The following LSAMP variants were observed in gnomAD, a reference collection of about 807,000 sequenced individuals.
LSAMP encodes limbic system-associated membrane protein.
Under a neutral mutation model 38.6 loss-of-function variants are expected in LSAMP, and 7 were observed. The observed-to-expected ratio is 0.18, with a 90% CI of 0.10 to 0.34. LSAMP has a LOEUF of 0.34. LSAMP is among the 10% of genes least tolerant of loss of function. The probability of loss-of-function intolerance (pLI) is 1.00; values close to 1 mark genes in which losing one functional copy is unlikely to be tolerated. For synonymous variants in LSAMP, 154 were observed against 166.8 expected, an observed-to-expected ratio of 0.92 and a Z score of 0.59; for missense variants, 313 against 420.0, an observed-to-expected ratio of 0.75 and a Z score of 2.23.
intron 1 of LSAMP, among the ~76,000 whole-genome samples, chr3:116,318,247 G>A (rs1208028180): frequency 1.3e-5 from 2 of 151,888 alleles, no homozygotes; most frequent in Admixed American, 6.6e-5. Flanking sequence ...CACATTAGTC[G>A]AAAGTTGGAG....
intron 1 of LSAMP, among the ~76,000 whole-genome samples, chr3:116,294,424 C>A (rs915216404): frequency 6.6e-6 from 1 of 151,918 alleles, no homozygotes; most frequent in African/African-American, 2.4e-5. Flanking sequence ...ACAATAATCA[C>A]CTCTATTTCA....
chr3:115,889,927 T>G (rs543332803), intron 3 of LSAMP, among the ~76,000 whole-genome samples: 77 of 152,052 alleles, frequency 5.1e-4, no homozygotes, highest in South Asian at 8.3e-4. Flanking sequence ...AAGAGATAAT[T>G]TTAGTTACTC....
intron 1 of LSAMP, among the ~76,000 whole-genome samples, chr3:116,199,262 A>G (rs2045956066): frequency 6.6e-6 from 1 of 152,092 alleles, no homozygotes; most frequent in African/African-American, 2.4e-5. Flanking sequence ...GTTAAGAAAT[A>G]CATGGTTAAT....
At chr3:116,400,392 T>TTC (rs975779834) in intron 1 of LSAMP, among the ~76,000 whole-genome samples, 2 of 151,080 alleles carry the variant, frequency 1.3e-5, no homozygotes, top group East Asian at 2.0e-4. Flanking sequence ...CTCTTTGTCT[T>TTC]TCTCTCTCTC....
At chr3:116,302,646 G>A (rs1051664144) in intron 1 of LSAMP, among the ~76,000 whole-genome samples, 10 of 152,136 alleles carry the variant, frequency 6.6e-5, no homozygotes, top group South Asian at 2.1e-4. Context: ...GTTTTATCAC[G>A]TGTTTGCTTT....
intron 1 of LSAMP, among the ~76,000 whole-genome samples, chr3:116,100,566 T>C (rs762772875): frequency 2.1e-4 from 32 of 152,226 alleles, no homozygotes; most frequent in Admixed American, 2.1e-3. Flanking sequence ...CCTTGTCATT[T>C]GTTACCAGCA....
At chr3:115,834,527 A>G (rs1934721061) in intron 6 of LSAMP, 2 of 1,273,582 alleles carry the variant, frequency 1.6e-6, no homozygotes, top group South Asian at 2.5e-5. Context: ...AGAATGACCC[A>G]GGAAGAGAGC....
At chr3:116,310,830 C>A (rs1354694366) in intron 1 of LSAMP, among the ~76,000 whole-genome samples, 1 of 149,942 alleles carries the variant, frequency 6.7e-6, no homozygotes, top group Non-Finnish European at 1.5e-5. Context: ...TGACCAAGAA[C>A]ATAAAAATGT....
intron 6 of LSAMP, among the ~76,000 whole-genome samples, chr3:115,820,435 C>G (rs1934193913): frequency 6.6e-6 from 1 of 152,170 alleles, no homozygotes; most frequent in Non-Finnish European, 1.5e-5. Context: ...TCTGGAGAAC[C>G]TTACCATCAC....
At chr3:116,037,217 A>G (rs1941066440) in intron 2 of LSAMP, among the ~76,000 whole-genome samples, 1 of 152,172 alleles carries the variant, frequency 6.6e-6, no homozygotes. Flanking sequence ...TCCTTATTAA[A>G]CAATCATTTC....
chr3:115,892,673 A>G (rs1339306091), intron 3 of LSAMP, among the ~76,000 whole-genome samples: 1 of 151,866 alleles, frequency 6.6e-6, no homozygotes, highest in Non-Finnish European at 1.5e-5. Flanking sequence ...GAGCCATACA[A>G]TTAAAACAGA....
At position 116,444,859 on chromosome 3, in the gene LSAMP, G is replaced by T. The variant is rs752747087; in HGVS notation, c.155+18C>A. The T allele has an allele frequency of 1.9e-6, 3 of 1,613,312 alleles. No homozygotes were observed. The highest frequency in any genetic ancestry group is 2.2e-5 in the East Asian group (1 of 44,816). On this transcript the variant is annotated intron_variant, in intron 1 of 6. Coordinates refer to ENST00000490035, the MANE Select transcript of LSAMP (RefSeq NM_002338.5). Reference sequence around the variant, plus strand: ...ACGTGTAGACGCGCGCAGCAGAAAAGTTGCCCGAAAGCCCTACCTGAGGAT... The same window carrying T: ...ACGTGTAGACGCGCGCAGCAGAAAATTTGCCCGAAAGCCCTACCTGAGGAT...
chr3:116,321,331 C>G (rs1157640014), intron 1 of LSAMP, among the ~76,000 whole-genome samples: 2 of 152,008 alleles, frequency 1.3e-5, no homozygotes, highest in East Asian at 3.9e-4. Context: ...CATGATCTTA[C>G]CACTGCACTC....
At chr3:115,977,423 A>C (rs1170166794) in intron 3 of LSAMP, among the ~76,000 whole-genome samples, 1 of 152,090 alleles carries the variant, frequency 6.6e-6, no homozygotes, top group Non-Finnish European at 1.5e-5. Context: ...AGAATCTAGG[A>C]TCTACCTTTC....
At chr3:116,101,486 G>A (rs568231442) in intron 1 of LSAMP, among the ~76,000 whole-genome samples, 1 of 152,094 alleles carries the variant, frequency 6.6e-6, no homozygotes, top group Non-Finnish European at 1.5e-5. Context: ...TACATATAAT[G>A]TATAGTGATC....
At chr3:116,197,863 G>A (rs2045922928) in intron 1 of LSAMP, among the ~76,000 whole-genome samples, 1 of 151,994 alleles carries the variant, frequency 6.6e-6, no homozygotes, top group South Asian at 2.1e-4. Flanking sequence ...TATTATAATA[G>A]GATGTATAGT....
At chr3:115,997,713 G>GACAT (rs1939854333) in intron 3 of LSAMP, among the ~76,000 whole-genome samples, 1 of 91,658 alleles carries the variant, frequency 1.1e-5, no homozygotes, top group African/African-American at 4.0e-5. Context: ...GACATTTTGG[G>GACAT]ATATATATAT....
At chr3:115,888,373 A>G (rs1463321488) in intron 3 of LSAMP, among the ~76,000 whole-genome samples, 2 of 151,808 alleles carry the variant, frequency 1.3e-5, no homozygotes, top group Non-Finnish European at 2.9e-5. Context: ...CTAGTCCCAT[A>G]TGCTCCCAAA....
chr3:116,293,127 G>T (rs958558735), intron 1 of LSAMP, among the ~76,000 whole-genome samples: 1 of 151,998 alleles, frequency 6.6e-6, no homozygotes, highest in African/African-American at 2.4e-5. Context: ...TGTGAGATAA[G>T]AACATCTCTT....
Sources: gnomAD v4.1 joint callset for allele counts (sites outside exome capture counted in the v4.1 genomes callset) on GRCh38, gnomAD v4.1.1 for gene constraint, MANE v1.5 for transcripts, NCBI Gene and HGNC (gene_info 2026-07-23, HGNC 2026-07-21) for gene names.